The following ADGRD1 variants were observed in gnomAD, a reference collection of about 807,000 sequenced individuals.
ADGRD1 encodes G-protein coupled receptor 133.
In ADGRD1, 77 loss-of-function variants were observed where a neutral mutation model predicts 113.4. That is an observed-to-expected ratio of 0.68 (90% CI 0.57 to 0.82). ADGRD1 has a LOEUF of 0.82. Ranked by LOEUF, ADGRD1 falls within the 40% of genes least tolerant of loss-of-function variation. ADGRD1 has a pLI of 0.00. For missense variants in ADGRD1, 1,036 were observed against 1,139.1 expected, an observed-to-expected ratio of 0.91 and a Z score of 1.30; for synonymous variants, 474 against 475.0, an observed-to-expected ratio of 1.00 and a Z score of 0.03.
chr12:131,011,864 C>T (rs988686373), intron 12 of ADGRD1, among the ~76,000 whole-genome samples: 1 of 152,190 alleles, frequency 6.6e-6, no homozygotes, highest in Non-Finnish European at 1.5e-5. Flanking sequence ...CTGGCTGAAG[C>T]GAACACACCA....
At position 131,057,532 on chromosome 12, in the gene ADGRD1, A is replaced by G. The variant is rs1387828456; in HGVS notation, c.1474-19269A>G. Reference sequence around the variant, plus strand: ...TTCTGGAGGCTCAGCGGGAACGTCCACCCCTGCCTGTCTCCTAGTAGTCCT... The same window carrying G: ...TTCTGGAGGCTCAGCGGGAACGTCCGCCCCTGCCTGTCTCCTAGTAGTCCT... On this transcript the variant is annotated intron_variant, in intron 13 of 24. Coordinates refer to ENST00000261654, the MANE Select transcript of ADGRD1 (RefSeq NM_198827.5). The surrounding 1 kb of genome is among the most constrained non-coding windows in gnomAD (Gnocchi z 4.2). Among the ~76,000 whole-genome samples the G allele has an allele frequency of 6.6e-6, 1 of 151,828 alleles. No homozygotes were observed. Among genetic ancestry groups the G allele is most frequent in the Non-Finnish European group, 1.5e-5 (1 of 67,930 alleles).
At chr12:131,137,042 G>A (rs775890011) in intron 23 of ADGRD1, 28 bp downstream of exon 23, 1 of 1,590,556 alleles carries the variant, frequency 6.3e-7, no homozygotes, top group East Asian at 2.2e-5. Context: ...GCTGGCAGGT[G>A]CAGGTGCAGC....
At chr12:131,004,431 G>GGCCGCCTGCGGTGCTCCCCCGT in intron 11 of ADGRD1, 135 bp downstream of exon 11, 1 of 654,002 alleles carries the variant, frequency 1.5e-6, no homozygotes, top group Non-Finnish European at 2.7e-6. Context: ...TGCTCCCCCG[G>GGCCGCCTGCGGTGCTCCCCCGT]ACTGCCTGTC....
chr12:131,036,814 C>T (rs192720814), intron 13 of ADGRD1, among the ~76,000 whole-genome samples: 159 of 142,774 alleles, frequency 1.1e-3, no homozygotes, highest in Non-Finnish European at 1.6e-3. Flanking sequence ...CTCACTGCCC[C>T]GGGTCTCACT....
intron 14 of ADGRD1, among the ~76,000 whole-genome samples, chr12:131,078,841 AATT>A (rs1163773903): frequency 6.6e-6 from 1 of 152,142 alleles, no homozygotes; most frequent in Admixed American, 6.5e-5. Flanking sequence ...TCCATTGTGC[AATT>A]ATTACTTATT....
At position 131,004,494 on chromosome 12, in the gene ADGRD1, G is replaced by A. The variant is rs1005319110; in HGVS notation, c.1255+198G>A. On this transcript the variant is annotated intron_variant, in intron 11 of 24. Transcript: ENST00000261654. ...AGCCGTTCTCAAAGCGTGTCCTCAGGCCACCCTCATGGACACGCTTGAGAG... is the reference window on the plus strand; with the variant it reads ...AGCCGTTCTCAAAGCGTGTCCTCAGACCACCCTCATGGACACGCTTGAGAG... Among the ~76,000 whole-genome samples the A allele has an allele frequency of 3.3e-5, 5 of 151,764 alleles. No homozygotes were observed. The East Asian group carries it at 9.7e-4, about 29-fold the overall frequency.
rs115764842 is a variant in ADGRD1, at chr12:131,014,604, C to T, written c.1473+264C>T. Reference sequence around the variant, plus strand: ...AGGTGGCTCTCCTAGACGTGTGGAGCGATCACGGATCTTCCTCATTTATAA... The same window carrying T: ...AGGTGGCTCTCCTAGACGTGTGGAGTGATCACGGATCTTCCTCATTTATAA... On this transcript the variant is annotated intron_variant, in intron 13 of 24. Coordinates refer to ENST00000261654, the MANE Select transcript of ADGRD1 (RefSeq NM_198827.5). Among the ~76,000 whole-genome samples, 1,072 of 152,254 alleles carry T rather than the reference C, an allele frequency of 7.0e-3. 14 individuals carry two copies. Among genetic ancestry groups the T allele is most frequent in the African/African-American group, 0.025 (1,044 of 41,544 alleles).
Position 131,050,106 on chromosome 12 carries a change from A to C in ADGRD1, c.1474-26695A>C, listed in dbSNP as rs1359976310. On this transcript the variant is annotated intron_variant, in intron 13 of 24. Transcript: ENST00000261654. This position sits in a 1 kb window ranked among gnomAD's most constrained non-coding sequence, Gnocchi z 4.8. ...TACACGGGGGTCCAGGAATGCGTGC[A>C]GGAAGCTGGGAATTCAGTGTGTCCT... Among the ~76,000 whole-genome samples, 1 of 152,140 alleles carries C rather than the reference A, an allele frequency of 6.6e-6. No individual in the cohort carries two copies. The highest frequency in any genetic ancestry group is 1.5e-5 in the Non-Finnish European group (1 of 68,022).
At chr12:131,101,726 G>T (rs1223495139) in intron 15 of ADGRD1, among the ~76,000 whole-genome samples, 1 of 152,140 alleles carries the variant, frequency 6.6e-6, no homozygotes, top group Non-Finnish European at 1.5e-5. Flanking sequence ...CTGCTGAAGA[G>T]CTGGACGTTC....
At chr12:130,996,975 T>C (rs1371818750) in intron 8 of ADGRD1, among the ~76,000 whole-genome samples, 6 of 101,578 alleles carry the variant, frequency 5.9e-5, no homozygotes, top group African/African-American at 1.2e-4. Context: ...CCCCCCAACC[T>C]CCCTCCCGGA....
intron 15 of ADGRD1, among the ~76,000 whole-genome samples, chr12:131,101,008 A>C (rs1950058857): frequency 6.6e-6 from 1 of 152,224 alleles, no homozygotes. Context: ...CATTGTTCCC[A>C]GTACTGCTCA....
rs7138711 is a variant in ADGRD1 at position 130,975,292 on chromosome 12, G to T, written c.310+3712G>T. Among the ~76,000 whole-genome samples the T allele has an allele frequency of 1.6e-4, 24 of 152,212 alleles. No homozygotes were observed. The East Asian group carries it at 3.9e-3, about 25-fold the overall frequency. ...CTACATTTCTTCCCACAACTTGCAC[G>T]GCCGACGATGGCCTGTCACTTCCGT... On this transcript the variant is annotated intron_variant, in intron 4 of 24. Coordinates refer to ENST00000261654, the MANE Select transcript of ADGRD1 (RefSeq NM_198827.5).
chr12:131,088,374 G>C (rs1025226953), intron 15 of ADGRD1, among the ~76,000 whole-genome samples: 1 of 152,254 alleles, frequency 6.6e-6, no homozygotes, highest in African/African-American at 2.4e-5. Flanking sequence ...GTCCTGCCCC[G>C]TAAGGGCCAC....
chr12:131,036,678 C>T (rs1881462833), intron 13 of ADGRD1, among the ~76,000 whole-genome samples: 1 of 147,080 alleles, frequency 6.8e-6, no homozygotes, highest in African/African-American at 2.5e-5. Context: ...TCACTCAGTA[C>T]ACCGGGCCTC....
chr12:131,031,108 GC>G (rs1566046407), intron 13 of ADGRD1, among the ~76,000 whole-genome samples: 1 of 152,212 alleles, frequency 6.6e-6, no homozygotes. Flanking sequence ...GCCCCGGGGA[GC>G]CAGGGGCTGG....
At chr12:131,086,745 G>A (rs564278944) in intron 15 of ADGRD1, among the ~76,000 whole-genome samples, 6 of 152,348 alleles carry the variant, frequency 3.9e-5, no homozygotes, top group South Asian at 2.1e-4. Context: ...ACGTGAGCGC[G>A]TATGAGCCTC....
rs745820806 is a variant in ADGRD1, at chr12:131,004,167, C to T, written c.1145-19C>T. 2 of 1,526,270 alleles carry T rather than the reference C, an allele frequency of 1.3e-6. No homozygotes were observed. The highest frequency in any genetic ancestry group is 2.3e-5 in the East Asian group (1 of 44,424). 94.5% of individuals were successfully genotyped at this position (1,526,270 alleles called of 1,614,324 possible). A position where few individuals can be genotyped will look rare whatever the true frequency, so the allele number is the denominator to read the frequency against. On this transcript the variant is annotated intron_variant, in intron 10 of 24. Coordinates refer to ENST00000261654, the MANE Select transcript of ADGRD1 (RefSeq NM_198827.5). ...TGAGCTCTGACGGGACTTCCGCTCT[C>T]TCGCTCCTTCCACCGCAGAGTTTTC...
intron 9 of ADGRD1, among the ~76,000 whole-genome samples, chr12:131,001,589 A>G (rs1876396409): frequency 6.6e-6 from 1 of 152,248 alleles, no homozygotes. Context: ...TGCAGTAACA[A>G]ATAGATCCCT....
chr12:130,986,164 T>C (rs1216941435), intron 5 of ADGRD1, among the ~76,000 whole-genome samples: 1 of 152,186 alleles, frequency 6.6e-6, no homozygotes, highest in African/African-American at 2.4e-5. Flanking sequence ...TCCTTCTCCA[T>C]AGTTTATCAA....
Sources: allele counts gnomAD v4.1 joint callset (sites outside exome capture counted in the v4.1 genomes callset), GRCh38; gene constraint gnomAD v4.1.1; non-coding constraint Gnocchi (gnomAD v3.1); transcripts MANE v1.5; gene names NCBI Gene and HGNC (gene_info 2026-07-23, HGNC 2026-07-21).